Variants in PTRH1 observed in about 807,000 individuals in gnomAD.
PTRH1 encodes the protein peptidyl-tRNA hydrolase.
PTRH1 carries 13 observed loss-of-function variants against 15.7 expected under a neutral mutation model. The ratio of observed to expected loss-of-function variants is 0.83; its 90% CI spans 0.54 to 1.31. The LOEUF (loss-of-function observed/expected upper bound fraction) is 1.31, where lower values mean the gene tolerates loss of function less well. PTRH1 is among the 40% of genes most tolerant of loss of function. PTRH1 has a pLI of 0.00. For missense variants in PTRH1, 319 were observed against 296.2 expected (o/e 1.08, Z -0.56); for synonymous variants, 139 against 136.7 (o/e 1.02, Z -0.12).
chr9:127,701,421 A>G (rs7047602), intron 1 of PTRH1, among the ~76,000 whole-genome samples: 5,119 of 152,122 alleles, frequency 0.034, 307 homozygotes, highest in African/African-American at 0.12. Flanking sequence ...TTAGTTGAAT[A>G]AAGAAAGGGA....
rs148505025 is a variant in PTRH1 at position 127,701,950 on chromosome 9, G to A, written c.206-6809C>T. Among the ~76,000 whole-genome samples, 847 of 152,058 alleles carry A rather than the reference G, an allele frequency of 5.6e-3. 10 individuals are homozygous for A. The highest frequency in any genetic ancestry group is 0.018 in the African/African-American group (766 of 41,484). ...AAAATTGGTATGTTTGGTTGGGCAT[G>A]GTGACTCATGCCTGTAATCTCGACA... is the stretch of plus-strand genomic sequence containing the variant. On this transcript the variant is annotated intron_variant, in intron 1 of 2. Coordinates refer to the PTRH1 transcript ENST00000335223.
rs925982779 is a variant in PTRH1 at position 127,715,262 on chromosome 9, G to A, written c.97-68C>T. The A allele has an allele frequency of 7.4e-6, 11 of 1,476,998 alleles. No individual in the cohort carries two copies. Among genetic ancestry groups the A allele is most frequent in the African/African-American group, 1.4e-5 (1 of 71,850 alleles). 91.5% of individuals were successfully genotyped at this position (1,476,998 alleles called of 1,614,324 possible). On this transcript the variant is annotated intron_variant, in intron 1 of 4. Transcript: ENST00000543175. This position sits in a 1 kb window ranked among gnomAD's most constrained non-coding sequence, Gnocchi z 5.8. ...CACCCCCGATCTCACAGCGTCCCGT[G>A]GGCCCCAACGCAGAGGAGCGGAAAC...
downstream of PTRH1, chr9:127,710,878 C>G: frequency 9.3e-7 from 1 of 1,073,140 alleles, no homozygotes; most frequent in Non-Finnish European, 1.3e-6. Context: ...GCCGCCCCGA[C>G]AACCTGCTAC....
Position 127,715,222 on chromosome 9 carries a change from C to G in PTRH1, c.97-28G>C, listed in dbSNP as rs1157059604. On this transcript the variant is annotated intron_variant, in intron 1 of 4. Transcript: ENST00000543175. This position sits in a 1 kb window ranked among gnomAD's most constrained non-coding sequence, Gnocchi z 5.8. Reference sequence around the variant, plus strand: ...GCGGGCGGCACCAGGGAAACTGAGGCCCAACAACTCTCGCCACCCCCGATC... The same window carrying G: ...GCGGGCGGCACCAGGGAAACTGAGGGCCAACAACTCTCGCCACCCCCGATC... The G allele has an allele frequency of 9.8e-6, 15 of 1,524,162 alleles. No homozygotes were observed. The highest frequency in any genetic ancestry group is 1.3e-5 in the Non-Finnish European group (15 of 1,137,942). The allele number at this position is 1,524,162 out of a possible 1,614,324, so 94.4% of individuals were successfully genotyped here. A position where few individuals can be genotyped will look rare whatever the true frequency, so the allele number is the denominator to read the frequency against.
At chr9:127,707,169 A>C in intron 1 of PTRH1, 1 of 1,613,228 alleles carries the variant, frequency 6.2e-7, no homozygotes, top group African/African-American at 1.3e-5. Context: ...TCCAGATCCG[A>C]GACCTGGAGG....
chr9:127,699,750 A>T (rs1564362221), intron 1 of PTRH1, among the ~76,000 whole-genome samples: 1 of 152,044 alleles, frequency 6.6e-6, no homozygotes, highest in Non-Finnish European at 1.5e-5. Context: ...TCTGGGAGTT[A>T]GCTGTTACCA....
chr9:127,708,090 C>G (rs1163590219), intron 1 of PTRH1, among the ~76,000 whole-genome samples: 2 of 152,200 alleles, frequency 1.3e-5, no homozygotes, highest in Admixed American at 6.5e-5. Flanking sequence ...CCTCCTGACT[C>G]CCCTATGCAA....
intron 1 of PTRH1, among the ~76,000 whole-genome samples, chr9:127,707,947 T>C (rs1410949753): frequency 1.3e-5 from 2 of 152,138 alleles, no homozygotes; most frequent in East Asian, 1.9e-4. Context: ...CATGGGCTGG[T>C]GCTCACTGAG....
At chr9:127,710,675 G>A, downstream of PTRH1, 15 of 1,581,544 alleles carry the variant, frequency 9.5e-6, no homozygotes, top group Non-Finnish European at 1.3e-5. Flanking sequence ...ATTGCTGGAG[G>A]AGCAGGTGCG....
rs1017610892 is a variant in PTRH1 at position 127,714,292 on chromosome 9, A to G, written c.463-10T>C. 1 of 1,613,950 alleles carries G rather than the reference A, an allele frequency of 6.2e-7. No homozygotes were observed. Among genetic ancestry groups the G allele is most frequent in the South Asian group, 1.1e-5 (1 of 91,078 alleles). ...GCAGCCTTGGCATTGCCTGTGGGAG[A>G]GCCAGAGAGGCCCAGGAAGCTTTGG... is the stretch of plus-strand genomic sequence containing the variant. On this transcript the variant is annotated splice_polypyrimidine_tract_variant and intron_variant, in intron 4 of 4. Coordinates refer to ENST00000543175, the MANE Select transcript of PTRH1 (RefSeq NM_001002913.3).
At chr9:127,703,437 G>A (rs915676064) in intron 1 of PTRH1, among the ~76,000 whole-genome samples, 1 of 151,642 alleles carries the variant, frequency 6.6e-6, no homozygotes, top group Non-Finnish European at 1.5e-5. Context: ...CAGAGCAAGA[G>A]AAAGAAAGAG....
chr9:127,697,722 G>A (rs1842572718), intron 1 of PTRH1, among the ~76,000 whole-genome samples: 1 of 152,208 alleles, frequency 6.6e-6, no homozygotes, highest in Non-Finnish European at 1.5e-5. Flanking sequence ...CTGGTGGGAA[G>A]TGTCCGTGGC....
Position 127,715,565 on chromosome 9 carries a change from G to A in PTRH1, c.75C>T (p.Arg25=), listed in dbSNP as rs141557053. 3.7e-6 allele frequency: 6 copies of A among 1,613,416 alleles called. No homozygotes were observed. Among genetic ancestry groups the A allele is most frequent in the Admixed American group, 1.7e-5 (1 of 60,010 alleles). Residue 25 remains arginine (R), a synonymous_variant, in exon 1 of 5, where the codon CGC becomes CGT. Coordinates refer to ENST00000543175, the MANE Select transcript of PTRH1 (RefSeq NM_001002913.3). This position sits in a 1 kb window ranked among gnomAD's most constrained non-coding sequence, Gnocchi z 5.8. ...RAMSRCVLEP[R]PPGKRWMVAG... ...TCACCATCCACCGCTTCCCCGGGGG[G>A]CGAGGCTCCAAAACACATCGGCTCA...
intron 1 of PTRH1, among the ~76,000 whole-genome samples, chr9:127,702,921 A>T (rs1842615155): frequency 6.7e-6 from 1 of 148,588 alleles, no homozygotes; most frequent in Non-Finnish European, 1.5e-5. Context: ...GGGTTTTGCC[A>T]TGTTGGCCAG....
downstream of PTRH1, chr9:127,710,769 C>A (rs368488988): frequency 6.4e-7 from 1 of 1,557,316 alleles, no homozygotes. Context: ...GCAAGCGGGG[C>A]ACCCTTTGGG....
At chr9:127,703,587 A>C (rs1842620279) in intron 1 of PTRH1, among the ~76,000 whole-genome samples, 1 of 152,234 alleles carries the variant, frequency 6.6e-6, no homozygotes, top group African/African-American at 2.4e-5. Context: ...CTGTGACAAA[A>C]GTGAGTCCCC....
Position 127,714,174 on chromosome 9 carries a change from A to G in PTRH1, c.571T>C (p.Leu191=), listed in dbSNP as rs1483967863. 1 of 1,613,932 alleles carries G rather than the reference A, an allele frequency of 6.2e-7. No homozygotes were observed. Among genetic ancestry groups the G allele is most frequent in the Admixed American group, 1.7e-5 (1 of 60,016 alleles). ...ATCAGGTCGGTGGCTCGATCCAGCA[A>G]CAGAGGCAGCAGCTCCTGCTCAGCA... The part of the protein sequence containing the change: ...SPAEQELLPL[L]LDRATDLILD... The change falls in exon 5 of 5, where the codon TTG becomes CTG. Residue 191 remains leucine (L), a synonymous_variant. Transcript: ENST00000543175.
chr9:127,702,928 C>G (rs909567605), intron 1 of PTRH1, among the ~76,000 whole-genome samples: 21 of 150,426 alleles, frequency 1.4e-4, no homozygotes, highest in African/African-American at 2.0e-4. Context: ...GCCATGTTGG[C>G]CAGGCTGGTC....
chr9:127,712,362 G>T, downstream of PTRH1: 1 of 1,613,270 alleles, frequency 6.2e-7, no homozygotes, highest in Non-Finnish European at 8.5e-7. Flanking sequence ...GAGCAGAAGG[G>T]AGAGAGGGAG....
Sources: allele counts gnomAD v4.1 joint callset (sites outside exome capture counted in the v4.1 genomes callset), GRCh38; gene constraint gnomAD v4.1.1; non-coding constraint Gnocchi (gnomAD v3.1); transcripts MANE v1.5; gene names NCBI Gene and HGNC (gene_info 2026-07-23, HGNC 2026-07-21).